Variants in FBXO28 observed in about 807,000 individuals in gnomAD.
FBXO28 encodes the protein F-box protein 28, also known as F-box only protein 28.
FBXO28 carries 8 observed loss-of-function variants against 38.1 expected under a neutral mutation model. The observed-to-expected ratio is 0.21, with a 90% CI of 0.12 to 0.38. The LOEUF (loss-of-function observed/expected upper bound fraction) is 0.38, where lower values mean the gene tolerates loss of function less well. Ranked by LOEUF, FBXO28 falls within the 10% of genes least tolerant of loss-of-function variation. FBXO28 has a pLI of 1.00. For missense variants in FBXO28, 345 were observed against 460.6 expected (o/e 0.75, Z 2.30); for synonymous variants, 168 against 173.8 (o/e 0.97, Z 0.26).
intron 1 of FBXO28, among the ~76,000 whole-genome samples, chr1:224,120,479 G>A (rs921498569): frequency 3.3e-5 from 5 of 152,198 alleles, no homozygotes; most frequent in Non-Finnish European, 7.3e-5. Flanking sequence ...ACCTTAGTCT[G>A]TGATGCAATA....
At chr1:224,127,828 A>C (rs1368242352) in intron 1 of FBXO28, among the ~76,000 whole-genome samples, 1 of 152,096 alleles carries the variant, frequency 6.6e-6, no homozygotes, top group East Asian at 1.9e-4. Context: ...AATGGCTTGA[A>C]CCTGGTAGAG....
At chr1:224,150,040 AAG>A (rs1212528980) in intron 3 of FBXO28, among the ~76,000 whole-genome samples, 1 of 152,146 alleles carries the variant, frequency 6.6e-6, no homozygotes, top group Non-Finnish European at 1.5e-5. Context: ...AAAATTATGG[AAG>A]GCCAGGTGCA....
intron 4 of FBXO28, among the ~76,000 whole-genome samples, chr1:224,156,192 G>T (rs1472157847): frequency 6.6e-6 from 1 of 152,176 alleles, no homozygotes; most frequent in East Asian, 1.9e-4. Flanking sequence ...ACCTTCAGTA[G>T]ATAAGTTTAA....
In FBXO28 at chr1:224,144,280, A is replaced by G. The variant is rs141407168; in HGVS notation, c.517-8862A>G. Among the ~76,000 whole-genome samples, 7 of 148,630 alleles carry G rather than the reference A, an allele frequency of 4.7e-5. No individual in the cohort carries two copies. In the East Asian group the frequency reaches 1.4e-3, roughly 30 times the overall value. ...GGAATTCAAGACCAGCCTGAGCAAC[A>G]TAGGGAGACCTCGTCTCTACAGAAA... On this transcript the variant is annotated intron_variant, in intron 3 of 4. Transcript: ENST00000366862.
intron 3 of FBXO28, among the ~76,000 whole-genome samples, chr1:224,137,130 G>T (rs1325922459): frequency 6.6e-6 from 1 of 151,760 alleles, no homozygotes; most frequent in African/African-American, 2.4e-5. Context: ...CAAACTTAAG[G>T]TCTACAGTAA....
In FBXO28 at chr1:224,157,773, G is replaced by A. The variant is rs1391187529; in HGVS notation, c.*27G>A. ...TTGGAATGTGGTTCTAGTTCCAGAG[G>A]AAGACACAGCTTAGTAGCTTAAGCA... is the stretch of plus-strand genomic sequence containing the variant. On this transcript the variant is annotated 3_prime_UTR_variant, in exon 5 of 5. Coordinates refer to ENST00000366862, the MANE Select transcript of FBXO28 (RefSeq NM_015176.4). 1.3e-6 allele frequency: 2 copies of A among 1,571,682 alleles called. No individual in the cohort carries two copies. The highest frequency in any genetic ancestry group is 1.7e-6 in the Non-Finnish European group (2 of 1,161,998).
chr1:224,127,164 T>TTGTGTGTGTGTGTG (rs564171368), intron 1 of FBXO28, among the ~76,000 whole-genome samples: 5 of 88,482 alleles, frequency 5.7e-5, no homozygotes, highest in African/African-American at 1.6e-4. Context: ...TGTAAAGTAT[T>TTGTGTGTGTGTGTG]TGTGTGTGTG....
intron 3 of FBXO28, among the ~76,000 whole-genome samples, chr1:224,139,908 AAAGT>A: frequency 6.6e-6 from 1 of 152,102 alleles, no homozygotes; most frequent in African/African-American, 2.4e-5. Flanking sequence ...CCTGGGCTGC[AAAGT>A]AAGACCCCCG....
Position 224,159,975 on chromosome 1 carries a change from A to G in FBXO28, c.*2229A>G, listed in dbSNP as rs1208897010. The G allele has an allele frequency of 6.6e-6, 1 of 152,210 alleles. No individual in the cohort carries two copies. The highest frequency in any genetic ancestry group is 1.9e-4 in the East Asian group (1 of 5,204). The allele number at this position is 152,210 out of a possible 1,614,324, so 9.4% of individuals were successfully genotyped here. ...TACAAAATCCAAATTTCTATTGCATACACTTATAATCATCTATTCATAAAG... is the reference window on the plus strand; with the variant it reads ...TACAAAATCCAAATTTCTATTGCATGCACTTATAATCATCTATTCATAAAG... On this transcript the variant is annotated 3_prime_UTR_variant, in exon 5 of 5. Coordinates refer to ENST00000366862, the MANE Select transcript of FBXO28 (RefSeq NM_015176.4).
chr1:224,116,722 A>T (rs1422365266), intron 1 of FBXO28, among the ~76,000 whole-genome samples: 3 of 152,186 alleles, frequency 2.0e-5, no homozygotes, highest in Non-Finnish European at 4.4e-5. Context: ...TACACAATCC[A>T]TGTACTTACT....
chr1:224,134,696 C>A (rs1006221748), intron 3 of FBXO28, among the ~76,000 whole-genome samples: 3 of 152,090 alleles, frequency 2.0e-5, no homozygotes, highest in Middle Eastern at 3.2e-3. Flanking sequence ...AATAACAGTC[C>A]TTTTTAACAC....
At chr1:224,141,598 T>G (rs1657353963) in intron 3 of FBXO28, among the ~76,000 whole-genome samples, 1 of 152,168 alleles carries the variant, frequency 6.6e-6, no homozygotes, top group Non-Finnish European at 1.5e-5. Context: ...ACCTAGATGG[T>G]TCTTACACAC....
At chr1:224,124,628 A>G (rs1286272587) in intron 1 of FBXO28, among the ~76,000 whole-genome samples, 1 of 152,228 alleles carries the variant, frequency 6.6e-6, no homozygotes, top group African/African-American at 2.4e-5. Context: ...ATCAGCAGCT[A>G]TCATTAAACT....
rs762458333 is a variant in FBXO28, at chr1:224,157,462, G to A, written c.823G>A (p.Val275Met). The change falls in exon 5 of 5, where the codon GTG becomes ATG. Residue 275 changes from valine (V) to methionine (M), a missense_variant. Val to Met is a conservative substitution (Grantham distance 21). Around this residue, in one of 6 missense-constraint regions of FBXO28, gnomAD observed 151 missense variants for 188.3 expected, o/e 0.80. Transcript: ENST00000366862. ...GCAGGTTAAAACAAATGGTGCTGGC[G>A]TGACTGTTCTCAGGCGTGAAATTTC... ...QQQVKTNGAG[V>M]TVLRREISEL... The A allele has an allele frequency of 2.0e-5, 33 of 1,614,106 alleles. No homozygotes were observed. The highest frequency in any genetic ancestry group is 1.7e-4 in the African/African-American group (13 of 74,938).
At chr1:224,137,339 A>G (rs1657216394) in intron 3 of FBXO28, among the ~76,000 whole-genome samples, 1 of 151,620 alleles carries the variant, frequency 6.6e-6, no homozygotes, top group East Asian at 1.9e-4. Context: ...CCTGGCCAAC[A>G]TGGTGAAACC....
intron 1 of FBXO28, among the ~76,000 whole-genome samples, chr1:224,126,048 G>GT (rs1341434401): frequency 2.6e-5 from 4 of 152,202 alleles, no homozygotes; most frequent in African/African-American, 9.6e-5. Flanking sequence ...CTTGCTAATG[G>GT]TTTGTTCATT....
chr1:224,148,505 G>GA (rs200328219), intron 3 of FBXO28, among the ~76,000 whole-genome samples: 1,757 of 151,516 alleles, frequency 0.012, 36 homozygotes, highest in African/African-American at 0.038. Context: ...AAAAAAAAGA[G>GA]AAAAAAATTC....
intron 2 of FBXO28, among the ~76,000 whole-genome samples, chr1:224,132,233 C>T (rs1184877121): frequency 6.6e-6 from 1 of 152,002 alleles, no homozygotes; most frequent in African/African-American, 2.4e-5. Context: ...ATCTGGGTGA[C>T]AGAGCAAGAC....
chr1:224,120,258 T>G (rs1252218086), intron 1 of FBXO28, among the ~76,000 whole-genome samples: 2 of 152,224 alleles, frequency 1.3e-5, no homozygotes, highest in African/African-American at 4.8e-5. Flanking sequence ...GAAACAAACA[T>G]CAAGCTCTTC....
Sources: gnomAD v4.1 joint callset for allele counts (sites outside exome capture counted in the v4.1 genomes callset) on GRCh38, gnomAD v4.1.1 for gene constraint, gnomAD v4.1.1 regional missense constraint, MANE v1.5 for transcripts, NCBI Gene and HGNC (gene_info 2026-07-23, HGNC 2026-07-21) for gene names.